Variants in IMMP2L observed in about 807,000 individuals in gnomAD.
IMMP2L encodes the protein mitochondrial inner membrane protease subunit 2.
IMMP2L carries 18 observed loss-of-function variants against 19.3 expected under a neutral mutation model. The observed-to-expected ratio is 0.93, with a 90% CI of 0.64 to 1.38. The LOEUF (loss-of-function observed/expected upper bound fraction) is 1.38, where lower values mean the gene tolerates loss of function less well. IMMP2L is among the 40% of genes most tolerant of loss of function. The pLI is 0.00. For synonymous variants in IMMP2L, 76 were observed against 73.0 expected (o/e 1.04, Z -0.21); for missense variants, 233 against 218.2 (o/e 1.07, Z -0.43).
At chr7:111,525,090 T>G (rs1182341184) in intron 1 of IMMP2L, among the ~76,000 whole-genome samples, 1 of 152,132 alleles carries the variant, frequency 6.6e-6, no homozygotes, top group East Asian at 1.9e-4. Context: ...GAAAATCACA[T>G]AAACATACAT....
At chr7:110,809,576 T>C (rs1801882739) in intron 5 of IMMP2L, among the ~76,000 whole-genome samples, 1 of 151,970 alleles carries the variant, frequency 6.6e-6, no homozygotes, top group Non-Finnish European at 1.5e-5. Context: ...ACTGTATTAA[T>C]AACAAACGGG....
chr7:111,188,755 C>A (rs887480574), intron 3 of IMMP2L, among the ~76,000 whole-genome samples: 1 of 151,870 alleles, frequency 6.6e-6, no homozygotes, highest in African/African-American at 2.4e-5. Context: ...GGAAGGGGAC[C>A]CAGAGAGTGG....
chr7:110,935,369 A>G (rs1250014967), intron 4 of IMMP2L, among the ~76,000 whole-genome samples: 3 of 152,106 alleles, frequency 2.0e-5, no homozygotes, highest in African/African-American at 7.2e-5. Context: ...GAGATCCACT[A>G]TTAGTCTGAT....
intron 3 of IMMP2L, among the ~76,000 whole-genome samples, chr7:111,141,306 C>T (rs548901675): frequency 4.2e-4 from 64 of 152,096 alleles, no homozygotes; most frequent in South Asian, 8.3e-4. Context: ...CCCTTAAACC[C>T]CTCCACATTT....
chr7:110,765,615 T>A (rs1584761224), intron 5 of IMMP2L, among the ~76,000 whole-genome samples: 1 of 152,156 alleles, frequency 6.6e-6, no homozygotes, highest in Non-Finnish European at 1.5e-5. Flanking sequence ...AATGGCTAGG[T>A]CATAACTACT....
intron 5 of IMMP2L, among the ~76,000 whole-genome samples, chr7:110,669,445 A>G (rs1041072191): frequency 6.6e-6 from 1 of 152,140 alleles, no homozygotes; most frequent in African/African-American, 2.4e-5. Context: ...TTAAATGTAA[A>G]TCTCATTCAA....
intron 4 of IMMP2L, among the ~76,000 whole-genome samples, chr7:110,928,661 C>T (rs1702786914): frequency 6.6e-6 from 1 of 152,052 alleles, no homozygotes; most frequent in Non-Finnish European, 1.5e-5. Flanking sequence ...ACTCCCAGCA[C>T]ATGCCTTTTG....
At chr7:110,949,664 T>TG (rs1692581034) in intron 4 of IMMP2L, among the ~76,000 whole-genome samples, 1 of 152,188 alleles carries the variant, frequency 6.6e-6, no homozygotes, top group Admixed American at 6.5e-5. Flanking sequence ...TCAGATAGTA[T>TG]GGCCTGCAAA....
intron 3 of IMMP2L, among the ~76,000 whole-genome samples, chr7:111,304,053 C>A (rs889523062): frequency 2.0e-5 from 3 of 152,058 alleles, no homozygotes; most frequent in Admixed American, 6.6e-5. Flanking sequence ...TTTCCATATA[C>A]TGTTAATTTC....
At chr7:111,285,255 G>A (rs140581119) in intron 3 of IMMP2L, among the ~76,000 whole-genome samples, 2 of 152,186 alleles carry the variant, frequency 1.3e-5, no homozygotes, top group South Asian at 2.1e-4. Flanking sequence ...CCTAACAAAC[G>A]ACCTCAAAAT....
At chr7:110,749,758 C>T (rs75864172) in intron 5 of IMMP2L, among the ~76,000 whole-genome samples, 7,558 of 151,860 alleles carry the variant, frequency 0.05, 584 homozygotes, top group African/African-American at 0.16. Flanking sequence ...GGTTGGGGGC[C>T]CAGGGGAGGG....
At chr7:111,040,658 A>T (rs1356570135) in intron 3 of IMMP2L, among the ~76,000 whole-genome samples, 1 of 150,120 alleles carries the variant, frequency 6.7e-6, no homozygotes, top group Non-Finnish European at 1.5e-5. Flanking sequence ...AAGTACTGAC[A>T]GAATTAGAAA....
intron 4 of IMMP2L, among the ~76,000 whole-genome samples, chr7:110,948,510 A>C (rs1295516644): frequency 2.6e-5 from 4 of 152,198 alleles, no homozygotes; most frequent in Non-Finnish European, 5.9e-5. Flanking sequence ...TGGGCTTATA[A>C]AAGAAGCTAT....
At position 111,562,420 on chromosome 7, in the gene IMMP2L, A is replaced by AG. The variant is rs1297326030; in HGVS notation, c.-573dup. On this transcript the variant is annotated 5_prime_UTR_variant, in exon 1 of 6. Coordinates refer to ENST00000405709, the MANE Select transcript of IMMP2L (RefSeq NM_032549.4). ...GCCCGCCGACCCCTGCCAGCCTCAC[A>AG]GCCCCCCACCCGCCGCCGGACGCCG... 4 of 147,812 alleles carry AG rather than the reference A, an allele frequency of 2.7e-5. No individual in the cohort carries two copies. Among genetic ancestry groups the AG allele is most frequent in the Admixed American group, 6.7e-5 (1 of 14,998 alleles). 9.2% of individuals were successfully genotyped at this position (147,812 alleles called of 1,614,324 possible). A position where few individuals can be genotyped will look rare whatever the true frequency, so the allele number is the denominator to read the frequency against.
chr7:110,981,367 C>T (rs1821278593), intron 3 of IMMP2L, among the ~76,000 whole-genome samples: 1 of 151,910 alleles, frequency 6.6e-6, no homozygotes, highest in Non-Finnish European at 1.5e-5. Flanking sequence ...TTATACTGGG[C>T]AAATAACACA....
chr7:111,499,612 A>T (rs1053329983), intron 2 of IMMP2L, among the ~76,000 whole-genome samples: 2 of 152,198 alleles, frequency 1.3e-5, no homozygotes, highest in African/African-American at 4.8e-5. Flanking sequence ...CATGGATTTT[A>T]AAAAGCAATG....
intron 5 of IMMP2L, among the ~76,000 whole-genome samples, chr7:110,826,536 A>G (rs2131362778): frequency 6.6e-6 from 1 of 152,318 alleles, no homozygotes; most frequent in East Asian, 1.9e-4. Context: ...TGTCCTTTGT[A>G]GGGAGATGGA....
chr7:111,465,643 T>A (rs575576612), intron 3 of IMMP2L, among the ~76,000 whole-genome samples: 97 of 151,978 alleles, frequency 6.4e-4, no homozygotes, highest in African/African-American at 2.1e-3. Flanking sequence ...TCACACCAGT[T>A]AAAATGGCAA....
At chr7:110,879,123 G>A (rs1402294451) in intron 5 of IMMP2L, among the ~76,000 whole-genome samples, 1 of 152,074 alleles carries the variant, frequency 6.6e-6, no homozygotes, top group Non-Finnish European at 1.5e-5. Flanking sequence ...CAGGCGCGGT[G>A]GCTCATAGTA....
Sources: gnomAD v4.1 joint callset for allele counts (sites outside exome capture counted in the v4.1 genomes callset) on GRCh38, gnomAD v4.1.1 for gene constraint, MANE v1.5 for transcripts, NCBI Gene and HGNC (gene_info 2026-07-23, HGNC 2026-07-21) for gene names.